TMEM135: variants seen among roughly 807,000 people sequenced by gnomAD.
The protein encoded by TMEM135 is peroxisomal membrane protein 52.
Under a neutral mutation model 60.3 loss-of-function variants are expected in TMEM135, and 30 were observed. The ratio of observed to expected loss-of-function variants is 0.50; its 90% confidence interval spans 0.37 to 0.68. The LOEUF (loss-of-function observed/expected upper bound fraction) is 0.68. TMEM135 is among the 30% of genes least tolerant of loss of function. The pLI, the probability that TMEM135 is intolerant of heterozygous loss-of-function variation, is 0.00. For missense variants in TMEM135, 468 were observed against 548.8 expected (o/e 0.85, Z 1.47); for synonymous variants, 190 against 186.7 (o/e 1.02, Z -0.14).
At chr11:87,112,741 G>C (rs1006789394) in intron 4 of TMEM135, among the ~76,000 whole-genome samples, 1 of 151,836 alleles carries the variant, frequency 6.6e-6, no homozygotes, top group Non-Finnish European at 1.5e-5. Flanking sequence ...AATCGTGTAG[G>C]GCTGATGCCT....
At chr11:87,078,035 C>G (rs1195259458) in intron 3 of TMEM135, among the ~76,000 whole-genome samples, 2 of 152,180 alleles carry the variant, frequency 1.3e-5, no homozygotes, top group Admixed American at 1.3e-4. Flanking sequence ...TGTTGCTACA[C>G]TAAACATTTG....
intron 5 of TMEM135, among the ~76,000 whole-genome samples, chr11:87,190,091 C>T (rs1939761447): frequency 6.6e-6 from 1 of 152,176 alleles, no homozygotes; most frequent in South Asian, 2.1e-4. Flanking sequence ...TCTAAGAGAA[C>T]TCTTACAAAA....
chr11:87,223,234 G>A (rs749966998), intron 5 of TMEM135, among the ~76,000 whole-genome samples: 5 of 148,868 alleles, frequency 3.4e-5, no homozygotes, highest in Non-Finnish European at 5.9e-5. Context: ...GCGCGATCTC[G>A]GCTCACTGCA....
In TMEM135 at chr11:87,262,910, C is replaced by T. The variant is rs146127312; in HGVS notation, c.509+26226C>T. Reference sequence around the variant, plus strand: ...ATACATATCTGCTCATTTACCAAGGCGTTTTTTGTGAGTATGAGTTGCCTA... The same window carrying T: ...ATACATATCTGCTCATTTACCAAGGTGTTTTTTGTGAGTATGAGTTGCCTA... On this transcript the variant is annotated intron_variant, in intron 6 of 14. Transcript: ENST00000305494. 6.5e-3 allele frequency among the ~76,000 whole-genome samples: 986 copies of T among 152,030 alleles called. 17 individuals are homozygous for T. Among genetic ancestry groups the T allele is most frequent in the African/African-American group, 0.023 (935 of 41,462 alleles).
intron 6 of TMEM135, among the ~76,000 whole-genome samples, chr11:87,250,671 T>G (rs470693): frequency 6.6e-6 from 1 of 151,874 alleles, no homozygotes; most frequent in South Asian, 2.1e-4. Flanking sequence ...TTTTAAGACT[T>G]GTTTTGTGGC....
At chr11:87,175,439 T>C (rs529957308) in intron 5 of TMEM135, among the ~76,000 whole-genome samples, 3 of 152,330 alleles carry the variant, frequency 2.0e-5, no homozygotes, top group Non-Finnish European at 2.9e-5. Context: ...TATCAGATCA[T>C]AATGTTTAAG....
intron 1 of TMEM135, among the ~76,000 whole-genome samples, chr11:87,064,262 CTT>C (rs57086268): frequency 0.15 from 21,811 of 142,924 alleles, 1,652 homozygotes; most frequent in Non-Finnish European, 0.17. Context: ...CGAATGACTC[CTT>C]TTTTTTTTTT....
intron 5 of TMEM135, among the ~76,000 whole-genome samples, chr11:87,218,392 A>G (rs1457666192): frequency 1.3e-5 from 2 of 152,152 alleles, no homozygotes; most frequent in African/African-American, 4.8e-5. Flanking sequence ...TTGTAACATC[A>G]TCACTTCCAT....
chr11:87,241,981 T>C (rs1277432903), intron 6 of TMEM135, among the ~76,000 whole-genome samples: 2 of 151,990 alleles, frequency 1.3e-5, no homozygotes, highest in Non-Finnish European at 2.9e-5. Context: ...CATTAGGAGA[T>C]ATACCTAATG....
chr11:87,046,381 A>G (rs1565419600), intron 1 of TMEM135, among the ~76,000 whole-genome samples: 1 of 152,242 alleles, frequency 6.6e-6, no homozygotes, highest in South Asian at 2.1e-4. Flanking sequence ...TGTGTCTCAA[A>G]AAACAAACAA....
chr11:87,213,392 T>C (rs1193732762), intron 5 of TMEM135, among the ~76,000 whole-genome samples: 2 of 152,044 alleles, frequency 1.3e-5, no homozygotes, highest in African/African-American at 2.4e-5. Flanking sequence ...GAATACGTCA[T>C]AAAAAATGAC....
chr11:87,210,188 A>T (rs532158791), intron 5 of TMEM135, among the ~76,000 whole-genome samples: 2 of 152,310 alleles, frequency 1.3e-5, no homozygotes, highest in African/African-American at 4.8e-5. Context: ...AATGAAATTG[A>T]GTTGTGAAAA....
chr11:87,247,292 G>T (rs955359221), intron 6 of TMEM135, among the ~76,000 whole-genome samples: 1 of 152,186 alleles, frequency 6.6e-6, no homozygotes, highest in Non-Finnish European at 1.5e-5. Flanking sequence ...TAGGCTGCTC[G>T]GGGGTCAGGG....
chr11:87,075,458 T>C (rs1856852854), intron 3 of TMEM135, among the ~76,000 whole-genome samples: 1 of 152,088 alleles, frequency 6.6e-6, no homozygotes, highest in South Asian at 2.1e-4. Flanking sequence ...CCGGTCCAAT[T>C]TTTTATTTTT....
intron 3 of TMEM135, among the ~76,000 whole-genome samples, chr11:87,085,822 T>C (rs914557274): frequency 6.6e-6 from 1 of 152,166 alleles, no homozygotes; most frequent in African/African-American, 2.4e-5. Flanking sequence ...AAGTAATGCA[T>C]TGGACAGAAC....
At chr11:87,144,734 G>GTGTGTGTT in intron 4 of TMEM135, among the ~76,000 whole-genome samples, 1 of 146,850 alleles carries the variant, frequency 6.8e-6, no homozygotes, top group South Asian at 2.2e-4. Context: ...GTGTGTGTGT[G>GTGTGTGTT]TTTTCTGGCT....
Position 87,321,742 on chromosome 11 carries a change from G to C in TMEM135, c.*409G>C, listed in dbSNP as rs138995847. Reference sequence around the variant, plus strand: ...TTTCTACATTTTAGGATTTACAAAGGATCACGGGTACATGGATTTGGTCTA... The same window carrying C: ...TTTCTACATTTTAGGATTTACAAAGCATCACGGGTACATGGATTTGGTCTA... On this transcript the variant is annotated 3_prime_UTR_variant, in exon 15 of 15. Coordinates refer to ENST00000305494, the MANE Select transcript of TMEM135 (RefSeq NM_022918.4). 4 of 455,902 alleles carry C rather than the reference G, an allele frequency of 8.8e-6. No homozygotes were observed. The East Asian group carries it at 2.8e-4, about 32-fold the overall frequency. The allele number at this position is 455,902 out of a possible 1,614,324, so 28.2% of individuals were successfully genotyped here. A position where few individuals can be genotyped will look rare whatever the true frequency, so the allele number is the denominator to read the frequency against.
chr11:87,225,901 T>C (rs79123659), intron 5 of TMEM135, among the ~76,000 whole-genome samples: 18,048 of 152,088 alleles, frequency 0.12, 1,440 homozygotes, highest in African/African-American at 0.23. Flanking sequence ...GCACCATTAA[T>C]AATTTATTAT....
chr11:87,060,302 T>C (rs1264717620), intron 1 of TMEM135, among the ~76,000 whole-genome samples: 1 of 152,166 alleles, frequency 6.6e-6, no homozygotes, highest in Non-Finnish European at 1.5e-5. Flanking sequence ...GAACTGTAGT[T>C]TCTAGCCCCT....
Sources: gnomAD v4.1 joint callset for allele counts (sites outside exome capture counted in the v4.1 genomes callset) on GRCh38, gnomAD v4.1.1 for gene constraint, MANE v1.5 for transcripts, NCBI Gene and HGNC (gene_info 2026-07-23, HGNC 2026-07-21) for gene names.